CNTN4: variants seen among roughly 807,000 people sequenced by gnomAD.
CNTN4 encodes the protein contactin 4, also known as contactin-4.
A neutral mutation model predicts 122.5 loss-of-function variants in CNTN4; 77 were observed. The ratio of observed to expected loss-of-function variants is 0.63; its 90% CI spans 0.52 to 0.76. The LOEUF (loss-of-function observed/expected upper bound fraction) is 0.76. CNTN4 is among the 30% of genes least tolerant of loss of function. The probability of loss-of-function intolerance (pLI) is 0.00; values close to 1 mark genes in which losing one functional copy is unlikely to be tolerated. For missense variants in CNTN4, 1,256 were observed against 1,259.1 expected (o/e 1.00, Z 0.04); for synonymous variants, 512 against 447.0 (o/e 1.15, Z -1.83).
intron 3 of CNTN4, among the ~76,000 whole-genome samples, chr3:2,471,004 T>C (rs2075666049): frequency 6.6e-6 from 1 of 152,220 alleles, no homozygotes; most frequent in Non-Finnish European, 1.5e-5. Flanking sequence ...AACTGTTACA[T>C]AAGACTCTGT....
chr3:2,621,519 G>T (rs2081989515), intron 4 of CNTN4, among the ~76,000 whole-genome samples: 1 of 152,046 alleles, frequency 6.6e-6, no homozygotes. Context: ...CTAGTGGAGG[G>T]ATAGCATTAG....
intron 2 of CNTN4, among the ~76,000 whole-genome samples, chr3:2,205,756 C>A (rs1394622080): frequency 6.6e-6 from 1 of 151,930 alleles, no homozygotes; most frequent in Non-Finnish European, 1.5e-5. Flanking sequence ...AATATTTGTT[C>A]CAGTAAAGTG....
chr3:2,521,468 G>A (rs1048982598), intron 3 of CNTN4, among the ~76,000 whole-genome samples: 1 of 151,496 alleles, frequency 6.6e-6, no homozygotes, highest in Non-Finnish European at 1.5e-5. Flanking sequence ...TAAGGGTACA[G>A]CCATCCCTCC....
At chr3:2,367,079 C>G (rs1204378730) in intron 3 of CNTN4, among the ~76,000 whole-genome samples, 2 of 152,006 alleles carry the variant, frequency 1.3e-5, no homozygotes, top group Admixed American at 6.6e-5. Flanking sequence ...GTGCAGTTCT[C>G]TCTCTGTGGT....
chr3:2,152,887 G>A (rs915513902), intron 2 of CNTN4, among the ~76,000 whole-genome samples: 2 of 152,186 alleles, frequency 1.3e-5, no homozygotes, highest in Non-Finnish European at 2.9e-5. Context: ...TGGGGCAGAC[G>A]TTGCCCTCTT....
At chr3:2,487,485 G>A (rs915217838) in intron 3 of CNTN4, among the ~76,000 whole-genome samples, 19 of 152,072 alleles carry the variant, frequency 1.2e-4, no homozygotes, top group Admixed American at 1.0e-3. Flanking sequence ...TGTTGCCAGG[G>A]GATTTAGAGA....
intron 8 of CNTN4, among the ~76,000 whole-genome samples, chr3:2,874,674 G>A (rs929579258): frequency 6.6e-6 from 1 of 152,162 alleles, no homozygotes; most frequent in Non-Finnish European, 1.5e-5. Context: ...AACTACCTTG[G>A]AGCAGTGAAG....
intron 2 of CNTN4, among the ~76,000 whole-genome samples, chr3:2,191,311 A>G (rs2149337567): frequency 6.6e-6 from 1 of 151,902 alleles, no homozygotes; most frequent in African/African-American, 2.4e-5. Context: ...ATTATTCTCA[A>G]GTTTACCCAA....
intron 7 of CNTN4, among the ~76,000 whole-genome samples, chr3:2,851,702 A>G (rs974063217): frequency 5.3e-5 from 8 of 152,228 alleles, no homozygotes; most frequent in African/African-American, 1.2e-4. Context: ...GCTTAGAAAG[A>G]TTAAGTGATT....
At chr3:2,480,611 CT>C (rs1399266597) in intron 3 of CNTN4, among the ~76,000 whole-genome samples, 1 of 152,106 alleles carries the variant, frequency 6.6e-6, no homozygotes, top group African/African-American at 2.4e-5. Flanking sequence ...GATAAAAGAA[CT>C]AAATAAGTGG....
At chr3:2,181,415 G>A (rs565592042) in intron 2 of CNTN4, among the ~76,000 whole-genome samples, 1 of 152,026 alleles carries the variant, frequency 6.6e-6, no homozygotes, top group African/African-American at 2.4e-5. Context: ...ACATTTAGTA[G>A]AACGTATCAA....
intron 7 of CNTN4, among the ~76,000 whole-genome samples, chr3:2,865,948 A>C (rs2093719267): frequency 4.6e-5 from 7 of 152,202 alleles, no homozygotes; most frequent in Admixed American, 4.6e-4. Context: ...TTGCTGTTTT[A>C]TCACTATCTC....
At chr3:2,903,262 C>T (rs1000319689) in intron 12 of CNTN4, among the ~76,000 whole-genome samples, 2 of 152,180 alleles carry the variant, frequency 1.3e-5, no homozygotes, top group Non-Finnish European at 2.9e-5. Context: ...CTATTGACTG[C>T]ACTTCTAAAT....
chr3:2,857,507 C>T (rs1577069973), intron 7 of CNTN4, among the ~76,000 whole-genome samples: 1 of 152,220 alleles, frequency 6.6e-6, no homozygotes, highest in South Asian at 2.1e-4. Flanking sequence ...TAGTCCACTT[C>T]AGCTGCATCT....
At chr3:2,677,364 G>C (rs1430934995) in intron 4 of CNTN4, among the ~76,000 whole-genome samples, 2 of 53,106 alleles carry the variant, frequency 3.8e-5, no homozygotes, top group Admixed American at 1.8e-4. Context: ...ACAGAGTCTT[G>C]CTCTGTCACC....
intron 6 of CNTN4, among the ~76,000 whole-genome samples, chr3:2,755,437 G>C (rs1373969303): frequency 2.0e-5 from 3 of 152,086 alleles, no homozygotes; most frequent in Non-Finnish European, 2.9e-5. Flanking sequence ...TTCAATAAAA[G>C]GGTAAATACT....
chr3:2,612,046 A>G (rs4364151), intron 4 of CNTN4, among the ~76,000 whole-genome samples: 105,305 of 151,452 alleles, frequency 0.7, 37,453 homozygotes, highest in African/African-American at 0.78. Context: ...AAAATAACAC[A>G]TGCTTTCAAA....
intron 4 of CNTN4, among the ~76,000 whole-genome samples, chr3:2,621,133 A>G (rs901166329): frequency 3.5e-5 from 5 of 144,650 alleles, no homozygotes; most frequent in Non-Finnish European, 7.5e-5. Flanking sequence ...TCGTGGACAC[A>G]TAGAAAGTTC....
intron 3 of CNTN4, among the ~76,000 whole-genome samples, chr3:2,418,134 C>T (rs752840250): frequency 1.2e-4 from 18 of 152,118 alleles, no homozygotes; most frequent in East Asian, 3.9e-4. Flanking sequence ...ATGTAAACTC[C>T]GGACTCTGGG....
Sources: gnomAD v4.1 joint callset for allele counts (sites outside exome capture counted in the v4.1 genomes callset) on GRCh38, gnomAD v4.1.1 for gene constraint, MANE v1.5 for transcripts, NCBI Gene and HGNC (gene_info 2026-07-23, HGNC 2026-07-21) for gene names.